Variants in PROX2 observed in about 807,000 individuals in gnomAD.
The protein encoded by PROX2 is prospero homeobox protein 2.
A neutral mutation model predicts 48.9 loss-of-function variants in PROX2; 46 were observed. That is an observed-to-expected ratio of 0.94 (90% CI 0.74 to 1.20). PROX2 has a LOEUF of 1.20. Among genes scored for constraint, PROX2 ranks in the 50% most tolerant of loss-of-function variants. PROX2 has a pLI of 0.00. For missense variants in PROX2, 663 were observed against 719.4 expected (o/e 0.92, Z 0.90); for synonymous variants, 260 against 276.6 (o/e 0.94, Z 0.60).
At chr14:74,868,358 TATA>T (rs1384331110) in intron 2 of PROX2, among the ~76,000 whole-genome samples, 42 of 108,994 alleles carry the variant, frequency 3.9e-4, no homozygotes, top group African/African-American at 1.4e-3. Context: ...TATATATATA[TATA>T]AACAAAAATG....
chr14:74,858,815 C>T (rs1351523949), intron 3 of PROX2: 6 of 145,606 alleles, frequency 4.1e-5, no homozygotes, highest in Non-Finnish European at 5.0e-5. Context: ...TGTGTGGTGT[C>T]TTAGATGTCA....
Position 74,863,503 on chromosome 14 carries a change from G to A in PROX2, c.332C>T (p.Pro111Leu), listed in dbSNP as rs777014202. Residue 111 changes from proline (P) to leucine (L), a missense_variant, in exon 3 of 6, where the codon CCG becomes CTG. Physicochemically the swap from Pro to Leu is moderately conservative, Grantham distance 98. Coordinates refer to ENST00000556489, the MANE Select transcript of PROX2 (RefSeq NM_001243007.2). ...ERKRKQNLPT[P>L]QGLLMPAPAW... Reference sequence around the variant, plus strand: ...AGGGGCTGGCATCAGGAGGCCTTGCGGTGTGGGAAGGTTCTGCTTCCTCTT... The same window carrying A: ...AGGGGCTGGCATCAGGAGGCCTTGCAGTGTGGGAAGGTTCTGCTTCCTCTT... The A allele has an allele frequency of 6.8e-6, 11 of 1,613,422 alleles. No homozygotes were observed. The highest frequency in any genetic ancestry group is 5.0e-5 in the Admixed American group (3 of 59,924).
In PROX2 at chr14:74,855,113, G is replaced by T. The variant is rs2091732132; in HGVS notation, c.*19C>A. ...TAGCCAGTCACTCCTCACGTTGTGG[G>T]ATCTTAACCCCGAAACAGCTACTGG... On this transcript the variant is annotated 3_prime_UTR_variant, in exon 6 of 6. Coordinates refer to ENST00000556489, the MANE Select transcript of PROX2 (RefSeq NM_001243007.2). 18 of 1,500,760 alleles carry T rather than the reference G, an allele frequency of 1.2e-5. No individual in the cohort carries two copies. Among genetic ancestry groups the T allele is most frequent in the Non-Finnish European group, 1.6e-5 (18 of 1,110,346 alleles). 93.0% of individuals were successfully genotyped at this position (1,500,760 alleles called of 1,614,324 possible).
intron 5 of PROX2, 102 bp downstream of exon 5, chr14:74,856,699 T>A: frequency 9.7e-7 from 1 of 1,030,592 alleles, no homozygotes; most frequent in Non-Finnish European, 1.4e-6. Context: ...GCCCTGGCTC[T>A]CAGTAACTTA....
rs1566782527 is a variant in PROX2, at chr14:74,868,336, TA to T, written c.-175+2766del. 5.4e-5 allele frequency among the ~76,000 whole-genome samples: 7 copies of T among 130,498 alleles called. No homozygotes were observed. The South Asian group carries it at 7.1e-4, about 13-fold the overall frequency. The allele number at this position is 130,498 out of a possible 152,430, so 85.6% of individuals were successfully genotyped here. A position where few individuals can be genotyped will look rare whatever the true frequency, so the allele number is the denominator to read the frequency against. ...AATTATATATATATATATATATATA[TA>T]TATATATATATATATATATATATAA... On this transcript the variant is annotated intron_variant, in intron 2 of 5. Transcript: ENST00000556489.
Position 74,856,990 on chromosome 14 carries a change from G to T in PROX2, c.1419C>A (p.Asn473Lys), listed in dbSNP as rs1430665745. 1.2e-6 allele frequency: 2 copies of T among 1,613,796 alleles called. No individual in the cohort carries two copies. Among genetic ancestry groups the T allele is most frequent in the South Asian group, 2.2e-5 (2 of 91,078 alleles). The change falls in exon 5 of 6, where the codon AAC (asparagine) becomes AAA (lysine). Residue 473 changes from asparagine (N) to lysine (K), a missense_variant. Asn to Lys is a moderately conservative substitution (Grantham distance 94). Transcript: ENST00000556489. ...LKVYFPDVQFNRCITSQMIKW... is the reference protein window; with the variant it reads ...LKVYFPDVQFKRCITSQMIKW... Reference sequence around the variant, plus strand: ...TGATCATCTGGGAGGTAATGCAGCGGTTGAACTGTACAAACAAGAGGTCCA... The same window carrying T: ...TGATCATCTGGGAGGTAATGCAGCGTTTGAACTGTACAAACAAGAGGTCCA...
intron 1 of PROX2, chr14:74,873,755 A>G: frequency 2.1e-6 from 1 of 471,716 alleles, no homozygotes; most frequent in Admixed American, 2.3e-5. Flanking sequence ...AGGCCAAGCT[A>G]CTTCTAGAAC....
At chr14:74,869,190 G>A (rs778027587) in intron 2 of PROX2, among the ~76,000 whole-genome samples, 20 of 152,084 alleles carry the variant, frequency 1.3e-4, no homozygotes, top group Non-Finnish European at 4.4e-5. Flanking sequence ...CTGAGACTAC[G>A]TTAAACTGTT....
intron 2 of PROX2, among the ~76,000 whole-genome samples, chr14:74,870,693 G>A (rs1044974971): frequency 3.3e-5 from 5 of 152,040 alleles, no homozygotes; most frequent in Admixed American, 6.6e-5. Flanking sequence ...GGATATATGC[G>A]AAATCTCTGT....
chr14:74,862,680 A>C lies in PROX2; in HGVS notation c.1155T>G (p.Thr385=). Residue 385 remains threonine (T), a synonymous_variant, in exon 3 of 6, where the codon ACT becomes ACG. Coordinates refer to ENST00000556489, the MANE Select transcript of PROX2 (RefSeq NM_001243007.2). ...GGCTCAGGACCAATGGTTGCGGCTT[A>C]GTAGTTCTCCAAGGTCGTAGGGCAG... The part of the protein sequence containing the change: ...SEPALRPWRT[T]KPQPLVLSQQ... The C allele has an allele frequency of 6.2e-7, 1 of 1,614,016 alleles. No homozygotes were observed. Among genetic ancestry groups the C allele is most frequent in the Non-Finnish European group, 8.5e-7 (1 of 1,179,898 alleles).
intron 2 of PROX2, among the ~76,000 whole-genome samples, chr14:74,864,228 A>G (rs926138583): frequency 2.2e-4 from 33 of 152,250 alleles, no homozygotes; most frequent in African/African-American, 7.7e-4. Flanking sequence ...GTGATCTTAC[A>G]GGGAGAAAAA....
intron 2 of PROX2, among the ~76,000 whole-genome samples, chr14:74,868,182 T>C (rs987381292): frequency 4.6e-5 from 7 of 151,536 alleles, no homozygotes; most frequent in Non-Finnish European, 8.8e-5. Flanking sequence ...TTCCCAAATA[T>C]AGAAATGTAT....
chr14:74,864,102 G>A (rs2091824134), intron 2 of PROX2, 94 bp from the exon 3 acceptor site: 1 of 267,660 alleles, frequency 3.7e-6, no homozygotes, highest in African/African-American at 2.2e-5. Flanking sequence ...TCTCGTTAAA[G>A]TGTAGATTTC....
chr14:74,855,389 G>A, intron 5 of PROX2, 87 bp from the exon 6 acceptor site: 1 of 1,125,944 alleles, frequency 8.9e-7, no homozygotes, highest in South Asian at 2.1e-5. Flanking sequence ...GGTGCTGCCT[G>A]TTTCTTGGGT....
At chr14:74,856,550 G>A (rs2091744307) in intron 5 of PROX2, 1 of 511,074 alleles carries the variant, frequency 2.0e-6, no homozygotes, top group Non-Finnish European at 3.5e-6. Flanking sequence ...AGTCTAAGAT[G>A]GTGTAACACC....
At chr14:74,858,775 A>T in intron 3 of PROX2, 12 of 209,098 alleles carry the variant, frequency 5.7e-5, no homozygotes, top group East Asian at 2.1e-4. Context: ...AGGTTGGTGT[A>T]TTTTGTGTGT....
chr14:74,871,484 C>A (rs980509035), intron 1 of PROX2, among the ~76,000 whole-genome samples: 7 of 151,806 alleles, frequency 4.6e-5, no homozygotes, highest in African/African-American at 1.7e-4. Context: ...ATATAATGGA[C>A]GACATAAGGC....
At chr14:74,858,601 G>T in intron 3 of PROX2, 87 bp from the exon 4 acceptor site, 2 of 739,174 alleles carry the variant, frequency 2.7e-6, no homozygotes, top group East Asian at 2.8e-5. Flanking sequence ...GTTTCTATTT[G>T]ATTTCATTTT....
At chr14:74,870,837 C>T (rs868263514) in intron 2 of PROX2, among the ~76,000 whole-genome samples, 5 of 152,036 alleles carry the variant, frequency 3.3e-5, no homozygotes, top group African/African-American at 4.8e-5. Context: ...GTCAGGAGTT[C>T]GAGACCAGTC....
Sources: allele counts gnomAD v4.1 joint callset (sites outside exome capture counted in the v4.1 genomes callset), GRCh38; gene constraint gnomAD v4.1.1; transcripts MANE v1.5; gene names NCBI Gene and HGNC (gene_info 2026-07-23, HGNC 2026-07-21).